The following SLC13A3 variants were observed in gnomAD, a reference collection of about 807,000 sequenced individuals.
The protein encoded by SLC13A3 is Na(+)/dicarboxylate cotransporter 3.
Under a neutral mutation model 59.0 loss-of-function variants are expected in SLC13A3, and 40 were observed. That is an observed-to-expected ratio of 0.68 (90% CI 0.53 to 0.88). The LOEUF (loss-of-function observed/expected upper bound fraction) is 0.88. SLC13A3 is among the 40% of genes least tolerant of loss of function. The pLI is 0.00. For synonymous variants in SLC13A3, 317 were observed against 330.3 expected (o/e 0.96, Z 0.44); for missense variants, 699 against 783.2 (o/e 0.89, Z 1.28).
Position 46,636,795 on chromosome 20 carries a change from A to AT in SLC13A3, c.111+14515dup, listed in dbSNP as rs917371307. Among the ~76,000 whole-genome samples the AT allele has an allele frequency of 9.3e-5, 12 of 129,452 alleles. No individual in the cohort carries two copies. The East Asian group carries it at 1.2e-3, about 13-fold the overall frequency. 84.9% of individuals were successfully genotyped at this position (129,452 alleles called of 152,430 possible). On this transcript the variant is annotated intron_variant, in intron 1 of 12. Transcript: ENST00000279027. ...CCCTGGGCTCTGGCCCACCCTTGAC[A>AT]TTTTTTTTTTCTTTTTTTCTTTTTT...
intron 1 of SLC13A3, among the ~76,000 whole-genome samples, chr20:46,677,103 A>G (rs934417250): frequency 6.6e-6 from 1 of 152,148 alleles, no homozygotes; most frequent in Non-Finnish European, 1.5e-5. Context: ...TAGTAGAGAC[A>G]GGGTTTCGCC....
At chr20:46,581,560 C>T (rs1047592370) in intron 9 of SLC13A3, among the ~76,000 whole-genome samples, 10 of 152,148 alleles carry the variant, frequency 6.6e-5, no homozygotes, top group Admixed American at 5.9e-4. Flanking sequence ...GAAACAGATA[C>T]TGTGAGGACA....
chr20:46,625,172 A>C (rs529043740), intron 1 of SLC13A3, among the ~76,000 whole-genome samples: 1 of 152,216 alleles, frequency 6.6e-6, no homozygotes, highest in Non-Finnish European at 1.5e-5. Context: ...AGGGGAACTC[A>C]GGAGACAATA....
At chr20:46,665,410 T>A (rs2063057517) in intron 1 of SLC13A3, among the ~76,000 whole-genome samples, 1 of 151,988 alleles carries the variant, frequency 6.6e-6, no homozygotes, top group Non-Finnish European at 1.5e-5. Flanking sequence ...CCCCACAACC[T>A]CCCCAGTCCC....
chr20:46,643,060 T>C (rs1337354616), intron 1 of SLC13A3, among the ~76,000 whole-genome samples: 1 of 152,180 alleles, frequency 6.6e-6, no homozygotes, highest in Non-Finnish European at 1.5e-5. Flanking sequence ...ACTGGCATTC[T>C]TTCTTTCACT....
intron 1 of SLC13A3, among the ~76,000 whole-genome samples, chr20:46,620,748 C>T (rs886520231): frequency 6.6e-6 from 1 of 152,088 alleles, no homozygotes; most frequent in Non-Finnish European, 1.5e-5. Flanking sequence ...ATAGCCAACA[C>T]CACAGACATC....
In SLC13A3 at chr20:46,575,565, G is replaced by A; in HGVS notation, c.1332+8C>T. 1 of 1,554,010 alleles carries A rather than the reference G, an allele frequency of 6.4e-7. No individual in the cohort carries two copies. Among genetic ancestry groups the A allele is most frequent in the East Asian group, 2.3e-5 (1 of 43,298 alleles). On this transcript the variant is annotated splice_region_variant and intron_variant, in intron 10 of 12. Coordinates refer to ENST00000279027, the MANE Select transcript of SLC13A3 (RefSeq NM_022829.6). ...TTCCTGCTGGTTGGGGGAGCCAGGG[G>A]GTCTTACCTCACAGCCTTTGGCCAT...
chr20:46,626,550 G>A (rs2062674833), intron 1 of SLC13A3, among the ~76,000 whole-genome samples: 1 of 152,120 alleles, frequency 6.6e-6, no homozygotes, highest in Non-Finnish European at 1.5e-5. Flanking sequence ...GCTGGAGAGG[G>A]ACTGGAGCAG....
At chr20:46,650,955 C>T (rs1193362140) in intron 1 of SLC13A3, among the ~76,000 whole-genome samples, 2 of 152,050 alleles carry the variant, frequency 1.3e-5, no homozygotes, top group South Asian at 2.1e-4. Context: ...AGGGAGGCTG[C>T]GGAAGGAGGA....
intron 1 of SLC13A3, among the ~76,000 whole-genome samples, chr20:46,642,385 C>T (rs2062853499): frequency 6.6e-6 from 1 of 152,176 alleles, no homozygotes; most frequent in South Asian, 2.1e-4. Flanking sequence ...CTCGGTGCCT[C>T]CTCATAGGCC....
intron 10 of SLC13A3, among the ~76,000 whole-genome samples, chr20:46,567,631 G>A (rs926657557): frequency 1.3e-5 from 2 of 150,056 alleles, no homozygotes; most frequent in African/African-American, 4.9e-5. Flanking sequence ...GAAGTTCACC[G>A]AGACTCCACT....
At chr20:46,606,434 C>T (rs1353487454) in intron 3 of SLC13A3, among the ~76,000 whole-genome samples, 1 of 152,200 alleles carries the variant, frequency 6.6e-6, no homozygotes. Flanking sequence ...ACATTAAAGA[C>T]CCTTGTGTTG....
At chr20:46,683,942 G>C (rs78206174) in intron 1 of SLC13A3, among the ~76,000 whole-genome samples, 2,139 of 152,180 alleles carry the variant, frequency 0.014, 47 homozygotes, top group African/African-American at 0.049. Context: ...ATGGTTTTCT[G>C]CCAGCAACCA....
At chr20:46,626,940 C>T (rs1947285659) in intron 1 of SLC13A3, among the ~76,000 whole-genome samples, 1 of 137,922 alleles carries the variant, frequency 7.3e-6, no homozygotes, top group Non-Finnish European at 1.6e-5. Context: ...CTGTTCAGCC[C>T]TCACTTCAAA....
At position 46,575,564 on chromosome 20, in the gene SLC13A3, G is replaced by A. The variant is rs774389701; in HGVS notation, c.1332+9C>T. The A allele has an allele frequency of 2.6e-6, 4 of 1,547,588 alleles. No homozygotes were observed. Among genetic ancestry groups the A allele is most frequent in the South Asian group, 2.4e-5 (2 of 82,968 alleles). ...GTTCCTGCTGGTTGGGGGAGCCAGG[G>A]GGTCTTACCTCACAGCCTTTGGCCA... is the stretch of plus-strand genomic sequence containing the variant. On this transcript the variant is annotated intron_variant, in intron 10 of 12. Coordinates refer to ENST00000279027, the MANE Select transcript of SLC13A3 (RefSeq NM_022829.6).
At chr20:46,655,465 G>A (rs2062978995), upstream of SLC13A3, among the ~76,000 whole-genome samples, 1 of 148,420 alleles carries the variant, frequency 6.7e-6, no homozygotes, top group Non-Finnish European at 1.5e-5. Context: ...AGGCCTCAGA[G>A]AGCCAACATG....
chr20:46,668,745 T>C (rs1446119186), intron 1 of SLC13A3, among the ~76,000 whole-genome samples: 1 of 152,212 alleles, frequency 6.6e-6, no homozygotes, highest in Non-Finnish European at 1.5e-5. Flanking sequence ...ATAATGCAGC[T>C]GGTAACTCTA....
chr20:46,603,549 AT>A (rs111841623), intron 3 of SLC13A3, among the ~76,000 whole-genome samples: 9,767 of 126,216 alleles, frequency 0.077, 782 homozygotes, highest in African/African-American at 0.22. Flanking sequence ...TAATTGTTGT[AT>A]TTTTTTTTTT....
chr20:46,573,133 ATG>A (rs1207480772), intron 10 of SLC13A3, among the ~76,000 whole-genome samples: 16 of 152,146 alleles, frequency 1.1e-4, no homozygotes, highest in Admixed American at 1.0e-3. Flanking sequence ...ATCGTTATTT[ATG>A]TGTTTTTTAA....
Sources: allele counts gnomAD v4.1 joint callset (sites outside exome capture counted in the v4.1 genomes callset), GRCh38; gene constraint gnomAD v4.1.1; transcripts MANE v1.5; gene names NCBI Gene and HGNC (gene_info 2026-07-23, HGNC 2026-07-21).